Variants in ARHGEF4 observed in about 807,000 individuals in gnomAD.
The protein encoded by ARHGEF4 is APC-stimulated guanine nucleotide exchange factor 1.
ARHGEF4 carries 119 observed loss-of-function variants against 162.0 expected under a neutral mutation model. The ratio of observed to expected loss-of-function variants is 0.73; its 90% CI spans 0.63 to 0.86. The LOEUF (loss-of-function observed/expected upper bound fraction) is 0.86. ARHGEF4 is among the 40% of genes least tolerant of loss of function. The pLI, the probability that ARHGEF4 is intolerant of heterozygous loss-of-function variation, is 0.00. For synonymous variants in ARHGEF4, 1,014 were observed against 979.9 expected (o/e 1.03, Z -0.65); for missense variants, 2,488 against 2,456.0 (o/e 1.01, Z -0.28).
intron 4 of ARHGEF4, among the ~76,000 whole-genome samples, chr2:130,953,257 T>G (rs1340990767): frequency 6.6e-6 from 1 of 151,962 alleles, no homozygotes; most frequent in Non-Finnish European, 1.5e-5. Context: ...ACACCACACA[T>G]CTACAACCAT....
chr2:130,918,157 A>G (rs1488188337), intron 2 of ARHGEF4, among the ~76,000 whole-genome samples: 1 of 152,154 alleles, frequency 6.6e-6, no homozygotes, highest in African/African-American at 2.4e-5. Context: ...ATTTAAAAAA[A>G]TTCCTCATGT....
chr2:130,869,516 A>C (rs1336366236), intron 1 of ARHGEF4, among the ~76,000 whole-genome samples: 3 of 152,242 alleles, frequency 2.0e-5, no homozygotes. Flanking sequence ...GGCAGCTGGC[A>C]GTAGCTATTT....
Position 130,885,301 on chromosome 2 carries a change from T to C in ARHGEF4, c.40-28685T>C, listed in dbSNP as rs1055414586. Among the ~76,000 whole-genome samples the C allele has an allele frequency of 3.1e-4, 47 of 152,086 alleles. 1 individual carries two copies. The highest frequency in any genetic ancestry group is 1.1e-3 in the African/African-American group (47 of 41,322). ...TACAGGATTGCATAACCTATGGTGATATGAATTGAACAGGAAGCAAAGGAC... is the reference window on the plus strand; with the variant it reads ...TACAGGATTGCATAACCTATGGTGACATGAATTGAACAGGAAGCAAAGGAC... On this transcript the variant is annotated intron_variant, in intron 1 of 13. Transcript: ENST00000409359.
intron 1 of ARHGEF4, among the ~76,000 whole-genome samples, chr2:130,879,115 G>A (rs1411029162): frequency 2.0e-5 from 3 of 152,212 alleles, no homozygotes; most frequent in Admixed American, 2.0e-4. Flanking sequence ...CCATGGTAAT[G>A]AGTCCAGGAG....
At chr2:130,939,566 G>A (rs765865054) in intron 3 of ARHGEF4, among the ~76,000 whole-genome samples, 1 of 151,818 alleles carries the variant, frequency 6.6e-6, no homozygotes, top group Non-Finnish European at 1.5e-5. Flanking sequence ...TGTTTTACAC[G>A]TTCCATGGCT....
chr2:130,931,610 C>T (rs1682638238), intron 3 of ARHGEF4, among the ~76,000 whole-genome samples: 1 of 152,248 alleles, frequency 6.6e-6, no homozygotes, highest in African/African-American at 2.4e-5. Context: ...ACTGCCCTAG[C>T]ATTGGCTCTG....
intron 12 of ARHGEF4, 148 bp downstream of exon 12, chr2:131,044,690 T>G (rs1348235944): frequency 8.8e-7 from 1 of 1,134,872 alleles, no homozygotes; most frequent in East Asian, 2.6e-5. Flanking sequence ...GTCCCAGTCA[T>G]GAGCATAAGG....
intron 4 of ARHGEF4, among the ~76,000 whole-genome samples, chr2:130,980,448 A>AT (rs1198730113): frequency 1.3e-5 from 2 of 152,112 alleles, no homozygotes; most frequent in South Asian, 2.1e-4. Flanking sequence ...ACTAACTAAC[A>AT]TTTTTTCTTT....
At chr2:130,887,963 T>C (rs1211616323) in intron 1 of ARHGEF4, among the ~76,000 whole-genome samples, 1 of 152,112 alleles carries the variant, frequency 6.6e-6, no homozygotes. Flanking sequence ...ACCAGCATCA[T>C]GCTGTGTGCC....
intron 2 of ARHGEF4, among the ~76,000 whole-genome samples, chr2:130,924,025 C>T (rs1682063773): frequency 6.6e-6 from 1 of 151,660 alleles, no homozygotes; most frequent in African/African-American, 2.4e-5. Context: ...GGACTACAGG[C>T]ACCCGCCAAC....
chr2:130,940,321 TAA>T (rs1675907968), intron 3 of ARHGEF4, among the ~76,000 whole-genome samples: 1 of 151,972 alleles, frequency 6.6e-6, no homozygotes, highest in Non-Finnish European at 1.5e-5. Context: ...TAAGAATGGA[TAA>T]AGTTTCAGCA....
intron 4 of ARHGEF4, among the ~76,000 whole-genome samples, chr2:130,977,563 T>G (rs1262644258): frequency 6.6e-6 from 1 of 152,006 alleles, no homozygotes; most frequent in African/African-American, 2.4e-5. Context: ...TTTTGTGTGT[T>G]GGGCATGTTA....
intron 4 of ARHGEF4, among the ~76,000 whole-genome samples, chr2:130,966,866 G>A (rs1489699386): frequency 6.6e-6 from 1 of 152,150 alleles, no homozygotes; most frequent in Admixed American, 6.6e-5. Flanking sequence ...TTGATCTGGG[G>A]GGTGCGCCCC....
intron 4 of ARHGEF4, among the ~76,000 whole-genome samples, chr2:130,972,854 G>A (rs763235640): frequency 6.6e-6 from 1 of 152,176 alleles, no homozygotes; most frequent in Admixed American, 6.5e-5. Context: ...AAACAAATAT[G>A]AGACAACAAA....
chr2:130,841,972 G>A (rs1236772989), intron 1 of ARHGEF4, among the ~76,000 whole-genome samples: 1 of 152,186 alleles, frequency 6.6e-6, no homozygotes, highest in African/African-American at 2.4e-5. Context: ...CCCCAGGGTC[G>A]GGGACACTCC....
At chr2:131,021,095 C>G (rs1689097614) in intron 4 of ARHGEF4, among the ~76,000 whole-genome samples, 1 of 152,028 alleles carries the variant, frequency 6.6e-6, no homozygotes, top group Admixed American at 6.6e-5. Context: ...AGCCCTTTGT[C>G]AGATAAGTAG....
intron 1 of ARHGEF4, among the ~76,000 whole-genome samples, chr2:130,845,471 G>A (rs768169140): frequency 9.9e-5 from 15 of 151,968 alleles, no homozygotes; most frequent in Non-Finnish European, 1.6e-4. Flanking sequence ...GCTAATTTTT[G>A]TATTTTTAGT....
At chr2:131,039,320 A>G in intron 6 of ARHGEF4, 1 of 1,217,166 alleles carries the variant, frequency 8.2e-7, no homozygotes, top group Non-Finnish European at 1.0e-6. Flanking sequence ...GGCGCTAGAC[A>G]TTTCCCAAGC....
intron 1 of ARHGEF4, among the ~76,000 whole-genome samples, chr2:130,842,837 G>C (rs1001293508): frequency 2.0e-5 from 3 of 152,182 alleles, no homozygotes; most frequent in Admixed American, 2.0e-4. Flanking sequence ...AGACAGTAAA[G>C]GGCTCCAGTT....
Sources: allele counts gnomAD v4.1 joint callset (sites outside exome capture counted in the v4.1 genomes callset), GRCh38; gene constraint gnomAD v4.1.1; transcripts MANE v1.5; gene names NCBI Gene and HGNC (gene_info 2026-07-23, HGNC 2026-07-21).